MROH7: variants seen among roughly 807,000 people sequenced by gnomAD.
The protein encoded by MROH7 is maestro heat like repeat family member 7.
MROH7 carries 113 observed loss-of-function variants against 129.2 expected under a neutral mutation model. The ratio of observed to expected loss-of-function variants is 0.87; its 90% CI spans 0.75 to 1.02. MROH7 has a LOEUF of 1.02. Among genes scored for constraint, MROH7 ranks in the 50% least tolerant of loss-of-function variants. The probability of loss-of-function intolerance (pLI) is 0.00; values close to 1 mark genes in which losing one functional copy is unlikely to be tolerated. For synonymous variants in MROH7, 655 were observed against 667.9 expected, an observed-to-expected ratio of 0.98 and a Z score of 0.30; for missense variants, 1,601 against 1,671.3, an observed-to-expected ratio of 0.96 and a Z score of 0.73.
Position 54,695,399 on chromosome 1 carries a change from A to G in MROH7, c.2873A>G (p.Gln958Arg). The part of the protein sequence containing the change: ...LARAMVQYSC[Q>R]ELCRILYLLI... ...AGGGCCATGGTGCAGTACTCCTGCC[A>G]GGAGCTGTGCCGCATCCTCTACCTG... The change falls in exon 17 of 24, where the codon CAG (glutamine) becomes CGG (arginine). Residue 958 changes from glutamine (Q) to arginine (R), a missense_variant. Coordinates refer to ENST00000421030, the MANE Select transcript of MROH7 (RefSeq NM_001039464.4). 6.2e-7 allele frequency: 1 copy of G among 1,613,068 alleles called. No individual in the cohort carries two copies. The highest frequency in any genetic ancestry group is 2.2e-5 in the East Asian group (1 of 44,842).
Position 54,703,331 on chromosome 1 carries a change from C to T in MROH7, c.3564+586C>T, listed in dbSNP as rs1645469917. ...TTAGATCCCTGCCTCAAGGGCCACACTGGCTCCTTTTCTACAACATCAATT... is the reference window on the plus strand; with the variant it reads ...TTAGATCCCTGCCTCAAGGGCCACATTGGCTCCTTTTCTACAACATCAATT... On this transcript the variant is annotated intron_variant, in intron 21 of 23. Coordinates refer to ENST00000421030, the MANE Select transcript of MROH7 (RefSeq NM_001039464.4). This position sits in a 1 kb window ranked among gnomAD's most constrained non-coding sequence, Gnocchi z 4.4. Among the ~76,000 whole-genome samples, 1 of 152,228 alleles carries T rather than the reference C, an allele frequency of 6.6e-6. No individual in the cohort carries two copies. Among genetic ancestry groups the T allele is most frequent in the South Asian group, 2.1e-4 (1 of 4,834 alleles).
intron 14 of MROH7, among the ~76,000 whole-genome samples, chr1:54,684,299 G>T (rs1026131430): frequency 3.9e-5 from 6 of 152,206 alleles, no homozygotes; most frequent in African/African-American, 1.4e-4. Flanking sequence ...GCTAGCAATG[G>T]TGGTGCTAGG....
At chr1:54,679,155 C>T (rs2101128812) in intron 11 of MROH7, 108 bp from the exon 12 acceptor site, 1 of 1,118,120 alleles carries the variant, frequency 8.9e-7, no homozygotes, top group East Asian at 2.3e-5. Flanking sequence ...TCCCTGCTGA[C>T]CTCTGCATGT....
intron 21 of MROH7, among the ~76,000 whole-genome samples, chr1:54,705,410 G>A (rs986819788): frequency 6.6e-6 from 1 of 152,190 alleles, no homozygotes; most frequent in African/African-American, 2.4e-5. Context: ...GGGGGAGCCC[G>A]AGATACAGTG....
rs1455777128 is a variant in MROH7, at chr1:54,710,123, C to T, written c.3908C>T (p.Ser1303Phe). Residue 1303 changes from serine to phenylalanine, a missense_variant, in exon 24 of 24, where the codon TCC becomes TTC. By Grantham distance (155) the Ser-to-Phe change is radical. Transcript: ENST00000421030. ...CCCAGCTGTGAGAACCTGCCCACTT[C>T]CCACCAGCGGCGCTCCTGGATCATG... is the stretch of plus-strand genomic sequence containing the variant. ...WSPSCENLPT[S>F]HQRRSWIMQA... is the part of the protein sequence containing the mutation. 2.0e-5 allele frequency: 32 copies of T among 1,613,958 alleles called. No individual in the cohort carries two copies. The highest frequency in any genetic ancestry group is 2.7e-5 in the Non-Finnish European group (32 of 1,180,010).
intron 14 of MROH7, among the ~76,000 whole-genome samples, chr1:54,685,553 G>T (rs1645135092): frequency 6.6e-6 from 1 of 152,158 alleles, no homozygotes; most frequent in African/African-American, 2.4e-5. Flanking sequence ...TTGCCCTTCT[G>T]CCAGTTAGAG....
At chr1:54,649,734 G>A (rs1392898776) in intron 1 of MROH7, among the ~76,000 whole-genome samples, 2 of 152,224 alleles carry the variant, frequency 1.3e-5, no homozygotes, top group Non-Finnish European at 1.5e-5. Context: ...GGTGACTATG[G>A]TCCTGTGTGT....
At position 54,653,586 on chromosome 1, in the gene MROH7, G is replaced by A. The variant is rs763883117; in HGVS notation, c.660G>A (p.Met220Ile). The A allele has an allele frequency of 5.0e-6, 8 of 1,614,070 alleles. No individual in the cohort carries two copies. In the East Asian group the frequency reaches 1.6e-4, roughly 31 times the overall value. ...LDLDSNPLLN[M>I]GSRNTSKLNL... ...TTGACTCCAATCCATTGCTCAACAT[G>A]GGCTCAAGAAACACCTCCAAGCTGA... The change falls in exon 3 of 24, where the codon ATG becomes ATA. Residue 220 changes from methionine (M) to isoleucine (I), a missense_variant. Met to Ile is a conservative substitution (Grantham distance 10, BLOSUM62 1). Coordinates refer to ENST00000421030, the MANE Select transcript of MROH7 (RefSeq NM_001039464.4).
intron 4 of MROH7, among the ~76,000 whole-genome samples, chr1:54,668,148 G>C (rs1047152688): frequency 6.6e-6 from 1 of 152,186 alleles, no homozygotes; most frequent in African/African-American, 2.4e-5. Context: ...CTGAGTTCCA[G>C]AGGGAAAAAG....
At chr1:54,649,692 C>T (rs1317184313) in intron 1 of MROH7, among the ~76,000 whole-genome samples, 1 of 152,200 alleles carries the variant, frequency 6.6e-6, no homozygotes, top group African/African-American at 2.4e-5. Flanking sequence ...CTGCAACAAG[C>T]CATATTTTCC....
rs756900295 is a variant in MROH7 at position 54,700,421 on chromosome 1, C to G, written c.3065C>G (p.Ser1022Cys). The G allele has an allele frequency of 1.2e-6, 2 of 1,610,544 alleles. No homozygotes were observed. Among genetic ancestry groups the G allele is most frequent in the Non-Finnish European group, 1.7e-6 (2 of 1,177,930 alleles). ...CACGACCCCATCATGAAGGTGCTGTCCATTCGAGGCCTGGTCATCCTGGCC... is the reference window on the plus strand; with the variant it reads ...CACGACCCCATCATGAAGGTGCTGTGCATTCGAGGCCTGGTCATCCTGGCC... ...SHHDPIMKVL[S>C]IRGLVILARR... The change falls in exon 18 of 24, where the codon TCC becomes TGC. Residue 1022 changes from serine to cysteine, a missense_variant. Transcript: ENST00000421030.
rs1466259701 is a variant in MROH7 at position 54,674,120 on chromosome 1, C to G, written c.1905C>G (p.Ile635Met). Residue 635 changes from isoleucine (I) to methionine (M), a missense_variant, in exon 10 of 24, where the codon ATC becomes ATG. By Grantham distance (10) the Ile-to-Met change is conservative. Coordinates refer to ENST00000421030, the MANE Select transcript of MROH7 (RefSeq NM_001039464.4). ...EIGCEALDGI[I>M]ILYTILELQK... The stretch of plus-strand genomic sequence containing the variant: ...GCTGTGAGGCTCTGGACGGCATCAT[C>G]ATCCTCTACACTATTCTGGAGCTCC... The G allele has an allele frequency of 6.2e-7, 1 of 1,614,040 alleles. No homozygotes were observed. The highest frequency in any genetic ancestry group is 1.7e-5 in the Admixed American group (1 of 60,020).
chr1:54,662,600 G>A (rs1021182469), intron 3 of MROH7, among the ~76,000 whole-genome samples: 4 of 151,762 alleles, frequency 2.6e-5, no homozygotes, highest in African/African-American at 9.7e-5. Context: ...TTCAGAATAA[G>A]TTTCCAAATG....
At chr1:54,647,116 C>CA (rs1406182924) in intron 1 of MROH7, among the ~76,000 whole-genome samples, 1 of 152,086 alleles carries the variant, frequency 6.6e-6, no homozygotes, top group Non-Finnish European at 1.5e-5. Flanking sequence ...TCTTTTGAAG[C>CA]AAAAAAGTTT....
intron 17 of MROH7, chr1:54,699,060 C>T (rs1645368952): frequency 6.6e-6 from 1 of 151,682 alleles, no homozygotes. Context: ...TCTCAAAGTG[C>T]TGAGATTATA....
At chr1:54,692,204 G>A (rs1055618523) in intron 15 of MROH7, among the ~76,000 whole-genome samples, 1 of 152,194 alleles carries the variant, frequency 6.6e-6, no homozygotes, top group Non-Finnish European at 1.5e-5. Flanking sequence ...TAAAAGCACA[G>A]CCTTCATAGG....
intron 1 of MROH7, among the ~76,000 whole-genome samples, chr1:54,644,407 A>AT (rs1219820678): frequency 6.7e-6 from 1 of 148,574 alleles, no homozygotes; most frequent in Non-Finnish European, 1.5e-5. Context: ...TAGTGGCATG[A>AT]TTTTGGCTCA....
chr1:54,679,036 T>C (rs1645026113), intron 11 of MROH7, among the ~76,000 whole-genome samples, 182 bp downstream of exon 11: 1 of 152,174 alleles, frequency 6.6e-6, no homozygotes, highest in South Asian at 2.1e-4. Context: ...GACTTCCTTC[T>C]CCCTTACGCA....
rs1308450607 is a variant in MROH7, at chr1:54,708,941, C to G, written c.3668-73C>G. 5.4e-6 allele frequency: 6 copies of G among 1,117,784 alleles called. No individual in the cohort carries two copies. The African/African-American group carries it at 8.9e-5, about 17-fold the overall frequency. The allele number at this position is 1,117,784 out of a possible 1,614,324, so 69.2% of individuals were successfully genotyped here. ...ATGGGAAAAGCATCTCTGAGGAACT[C>G]TGGTCTAAGGGTGGGTTGGGGTGGG... On this transcript the variant is annotated intron_variant, in intron 22 of 23. Coordinates refer to ENST00000421030, the MANE Select transcript of MROH7 (RefSeq NM_001039464.4).
Sources: gnomAD v4.1 joint callset for allele counts (sites outside exome capture counted in the v4.1 genomes callset) on GRCh38, gnomAD v4.1.1 for gene constraint, Gnocchi (gnomAD v3.1) non-coding constraint, MANE v1.5 for transcripts, NCBI Gene and HGNC (gene_info 2026-07-23, HGNC 2026-07-21) for gene names.